CPE: variants seen among roughly 807,000 people sequenced by gnomAD.
CPE encodes carboxypeptidase E.
CPE carries 17 observed loss-of-function variants against 53.5 expected under a neutral mutation model. The observed-to-expected ratio is 0.32, with a 90% CI of 0.22 to 0.48. CPE has a LOEUF of 0.48. CPE is among the 20% of genes least tolerant of loss of function. The probability of loss-of-function intolerance (pLI) is 0.99; values close to 1 mark genes in which losing one functional copy is unlikely to be tolerated. For synonymous variants in CPE, 226 were observed against 228.8 expected (o/e 0.99, Z 0.11); for missense variants, 524 against 614.7 (o/e 0.85, Z 1.56).
intron 1 of CPE, among the ~76,000 whole-genome samples, chr4:165,454,111 T>G (rs1160521759): frequency 6.6e-6 from 1 of 152,138 alleles, no homozygotes; most frequent in Non-Finnish European, 1.5e-5. Flanking sequence ...CCAACTTGGC[T>G]CACAAATTTC....
intron 6 of CPE, among the ~76,000 whole-genome samples, chr4:165,488,858 A>AAG (rs750275422): frequency 1.3e-5 from 2 of 152,022 alleles, no homozygotes; most frequent in Non-Finnish European, 1.5e-5. Context: ...CTAAAAAAAA[A>AAG]AAGAAGAAGA....
At chr4:165,439,551 G>A (rs1459435741) in intron 1 of CPE, among the ~76,000 whole-genome samples, 3 of 122,250 alleles carry the variant, frequency 2.5e-5, no homozygotes, top group East Asian at 2.8e-4. Flanking sequence ...GGCAGAAGTC[G>A]GCTGAAGCTT....
intron 1 of CPE, among the ~76,000 whole-genome samples, chr4:165,442,023 G>GTTTTTTTGTTT (rs1731619993): frequency 9.3e-6 from 1 of 107,476 alleles, no homozygotes; most frequent in African/African-American, 4.0e-5. Flanking sequence ...CGGTGAGTTT[G>GTTTTTTTGTTT]TTTTTTTTTT....
intron 1 of CPE, among the ~76,000 whole-genome samples, chr4:165,400,429 G>A (rs1730847801): frequency 6.6e-6 from 1 of 152,190 alleles, no homozygotes; most frequent in African/African-American, 2.4e-5. Context: ...GTCAAAGAAA[G>A]AGGCAGTAGG....
intron 1 of CPE, among the ~76,000 whole-genome samples, chr4:165,429,466 G>A (rs1165979372): frequency 6.6e-6 from 1 of 152,110 alleles, no homozygotes; most frequent in Non-Finnish European, 1.5e-5. Flanking sequence ...ACTTTGGGAG[G>A]CCAACACGAG....
Position 165,467,756 on chromosome 4 carries a change from T to C in CPE, c.573T>C (p.Phe191=). 1 of 1,613,864 alleles carries C rather than the reference T, an allele frequency of 6.2e-7. No individual in the cohort carries two copies. The highest frequency in any genetic ancestry group is 8.5e-7 in the Non-Finnish European group (1 of 1,179,860). ...NAQGIDLNRN[F]PDLDRIVYVN... ...AGGGAATAGATCTGAACCGGAACTT[T>C]CCAGACCTGGATAGGATAGTGTACG... is the stretch of plus-strand genomic sequence containing the variant. The change falls in exon 3 of 9, where the codon TTT becomes TTC. Residue 191 remains phenylalanine (F), a synonymous_variant. Coordinates refer to ENST00000402744, the MANE Select transcript of CPE (RefSeq NM_001873.4).
intron 3 of CPE, among the ~76,000 whole-genome samples, chr4:165,479,896 G>T (rs1732372874): frequency 6.6e-6 from 1 of 151,592 alleles, no homozygotes; most frequent in Admixed American, 6.6e-5. Context: ...GGAGGCGGAG[G>T]CAGGAGAATG....
chr4:165,434,116 C>CT (rs11373007), intron 1 of CPE, among the ~76,000 whole-genome samples: 88,885 of 151,408 alleles, frequency 0.59, 26,510 homozygotes, highest in East Asian at 0.75. Flanking sequence ...TAGATCCATA[C>CT]TTTTTTTTCA....
At chr4:165,452,958 A>G (rs936715358) in intron 1 of CPE, among the ~76,000 whole-genome samples, 4 of 152,180 alleles carry the variant, frequency 2.6e-5, no homozygotes, top group African/African-American at 4.8e-5. Context: ...CCAGAGCGCT[A>G]TAAGTCAGCA....
intron 1 of CPE, among the ~76,000 whole-genome samples, chr4:165,420,802 C>G (rs1731198983): frequency 6.6e-6 from 1 of 152,044 alleles, no homozygotes; most frequent in Non-Finnish European, 1.5e-5. Flanking sequence ...GTACTTTAAG[C>G]ATTTGGAATA....
intron 1 of CPE, among the ~76,000 whole-genome samples, chr4:165,393,056 G>T (rs1024544828): frequency 2.0e-5 from 3 of 151,910 alleles, no homozygotes; most frequent in African/African-American, 7.2e-5. Context: ...ATATAAAGAT[G>T]TTATGTAATT....
Position 165,483,624 on chromosome 4 carries a change from C to T in CPE, c.791-798C>T, listed in dbSNP as rs143762660. On this transcript the variant is annotated intron_variant, in intron 4 of 8. Coordinates refer to ENST00000402744, the MANE Select transcript of CPE (RefSeq NM_001873.4). ...TTCCACCAACACTGGTGGGAATCCA[C>T]GACAACATCTGTTGTTTTTTGACTT... 6.2e-3 allele frequency among the ~76,000 whole-genome samples: 943 copies of T among 152,306 alleles called. 10 individuals carry two copies. The highest frequency in any genetic ancestry group is 0.022 in the African/African-American group (899 of 41,556).
At chr4:165,439,432 T>C (rs1286002209) in intron 1 of CPE, among the ~76,000 whole-genome samples, 1 of 152,138 alleles carries the variant, frequency 6.6e-6, no homozygotes, top group Non-Finnish European at 1.5e-5. Flanking sequence ...GATTTATAAG[T>C]CAACAGAAAT....
intron 1 of CPE, among the ~76,000 whole-genome samples, chr4:165,417,402 C>G (rs1048672247): frequency 6.6e-6 from 1 of 152,164 alleles, no homozygotes; most frequent in Non-Finnish European, 1.5e-5. Context: ...CAGAGATTAT[C>G]TCTTTTCATT....
At chr4:165,423,835 T>C (rs1731271069) in intron 1 of CPE, among the ~76,000 whole-genome samples, 1 of 135,228 alleles carries the variant, frequency 7.4e-6, no homozygotes. Context: ...GATGTTCCCC[T>C]TCCTGTGTCC....
At chr4:165,387,377 A>G (rs1262615958) in intron 1 of CPE, among the ~76,000 whole-genome samples, 1 of 152,232 alleles carries the variant, frequency 6.6e-6, no homozygotes, top group African/African-American at 2.4e-5. Flanking sequence ...CTATCAAATC[A>G]TTGCTAAACA....
At position 165,463,319 on chromosome 4, in the gene CPE, GA is replaced by G. The variant is rs1386805200; in HGVS notation, c.308-1067del. ...AATGTCATGTAATAATAATATTAAA[GA>G]AAATTATAGGAAACATATAGCACTT... On this transcript the variant is annotated intron_variant, in intron 1 of 8. Transcript: ENST00000402744. Among the ~76,000 whole-genome samples the G allele has an allele frequency of 2.0e-5, 3 of 152,118 alleles. 1 individual carries two copies. The East Asian group carries it at 5.8e-4, about 29-fold the overall frequency.
At chr4:165,471,506 T>C (rs559201743) in intron 3 of CPE, among the ~76,000 whole-genome samples, 1 of 152,240 alleles carries the variant, frequency 6.6e-6, no homozygotes, top group African/African-American at 2.4e-5. Context: ...CTATCATACT[T>C]GGCCTGGTTA....
At chr4:165,397,056 G>A (rs1730779270) in intron 1 of CPE, among the ~76,000 whole-genome samples, 1 of 152,012 alleles carries the variant, frequency 6.6e-6, no homozygotes, top group Non-Finnish European at 1.5e-5. Context: ...ATGAGACCTT[G>A]TCTCAACAAA....
Sources: gnomAD v4.1 joint callset for allele counts (sites outside exome capture counted in the v4.1 genomes callset) on GRCh38, gnomAD v4.1.1 for gene constraint, MANE v1.5 for transcripts, NCBI Gene and HGNC (gene_info 2026-07-23, HGNC 2026-07-21) for gene names.